The following SEPTIN10 variants were observed in gnomAD, a reference collection of about 807,000 sequenced individuals.
The protein encoded by SEPTIN10 is septin-10.
Under a neutral mutation model 54.8 loss-of-function variants are expected in SEPTIN10, and 66 were observed. The observed-to-expected ratio is 1.21, with a 90% CI of 0.99 to 1.48. SEPTIN10 has a LOEUF of 1.48. Among genes scored for constraint, SEPTIN10 ranks in the 40% most tolerant of loss-of-function variants. SEPTIN10 has a pLI of 0.00. For synonymous variants in SEPTIN10, 161 were observed against 181.0 expected (o/e 0.89, Z 0.89); for missense variants, 620 against 545.6 (o/e 1.14, Z -1.36).
At chr2:109,600,302 G>A (rs540458964) in intron 1 of SEPTIN10, among the ~76,000 whole-genome samples, 1 of 152,098 alleles carries the variant, frequency 6.6e-6, no homozygotes, top group East Asian at 1.9e-4. Context: ...ACTTTCACAG[G>A]CAATACTACC....
chr2:109,603,567 T>C (rs1697169216), intron 1 of SEPTIN10, among the ~76,000 whole-genome samples: 1 of 152,110 alleles, frequency 6.6e-6, no homozygotes, highest in Non-Finnish European at 1.5e-5. Context: ...AGCCTTACAT[T>C]TTAAGGACAG....
intron 1 of SEPTIN10, 144 bp from the exon 2 acceptor site, chr2:109,593,263 C>A: frequency 2.1e-6 from 1 of 478,304 alleles, no homozygotes; most frequent in Non-Finnish European, 3.7e-6. Context: ...ATTATTGAAT[C>A]GTGTTTGAAA....
chr2:109,560,045 C>G (rs1685287786), intron 8 of SEPTIN10, among the ~76,000 whole-genome samples: 1 of 151,876 alleles, frequency 6.6e-6, no homozygotes, highest in African/African-American at 2.4e-5. Flanking sequence ...CTCAGCCTCC[C>G]AAGTAGCCGG....
Position 109,567,953 on chromosome 2 carries a change from G to A in SEPTIN10, c.624C>T (p.Ala208=). The change falls in exon 6 of 11, where the codon GCC becomes GCT. Residue 208 remains alanine (A), a synonymous_variant. Transcript: ENST00000397712. ...DSKVNIIPVI[A]KADTVSKTEL... The stretch of plus-strand genomic sequence containing the variant: ...CAGTTTTAGAAACCGTATCTGCTTT[G>A]GCAATCACTGGTATAATGTTTACCT... The A allele has an allele frequency of 6.2e-7, 1 of 1,611,350 alleles. No individual in the cohort carries two copies. The highest frequency in any genetic ancestry group is 8.5e-7 in the Non-Finnish European group (1 of 1,179,142).
At chr2:109,561,314 C>A (rs114781410) in intron 8 of SEPTIN10, among the ~76,000 whole-genome samples, 1 of 152,038 alleles carries the variant, frequency 6.6e-6, no homozygotes, top group African/African-American at 2.4e-5. Flanking sequence ...AAAGTCTTCC[C>A]GAATTTTCCA....
intron 1 of SEPTIN10, among the ~76,000 whole-genome samples, chr2:109,593,474 C>T (rs6594041): frequency 0.32 from 47,201 of 148,898 alleles, 7,653 homozygotes; most frequent in Admixed American, 0.42. Flanking sequence ...GGCATGATCT[C>T]GGCTCACTGC....
intron 2 of SEPTIN10, among the ~76,000 whole-genome samples, chr2:109,591,869 C>G (rs1034012497): frequency 6.6e-6 from 1 of 152,006 alleles, no homozygotes; most frequent in African/African-American, 2.4e-5. Flanking sequence ...TGCACTCCAG[C>G]CTGGGCAACA....
In SEPTIN10 at chr2:109,567,410, A is replaced by G. The variant is rs1008157750; in HGVS notation, c.762+405T>C. On this transcript the variant is annotated intron_variant, in intron 6 of 10. Coordinates refer to ENST00000397712, the MANE Select transcript of SEPTIN10 (RefSeq NM_144710.5). ...CTTGACACTATGAGAGAGAAGGAGC[A>G]TAAATACTAGTTTTAAGAGACCTCC... Among the ~76,000 whole-genome samples the G allele has an allele frequency of 3.9e-5, 6 of 152,374 alleles. No individual in the cohort carries two copies. In the East Asian group the frequency reaches 7.7e-4, roughly 20 times the overall value.
At chr2:109,599,407 G>A (rs577773303) in intron 1 of SEPTIN10, among the ~76,000 whole-genome samples, 2 of 147,238 alleles carry the variant, frequency 1.4e-5, no homozygotes, top group East Asian at 2.0e-4. Flanking sequence ...GCAGTGAGCC[G>A]AGATTGTGCC....
intron 8 of SEPTIN10, among the ~76,000 whole-genome samples, chr2:109,563,097 G>T (rs1686083300): frequency 6.6e-6 from 1 of 152,076 alleles, no homozygotes; most frequent in Non-Finnish European, 1.5e-5. Context: ...TTTTAGTAAA[G>T]ACGGGGTTTC....
chr2:109,603,466 C>T (rs1388085894), intron 1 of SEPTIN10, among the ~76,000 whole-genome samples: 1 of 152,042 alleles, frequency 6.6e-6, no homozygotes, highest in African/African-American at 2.4e-5. Flanking sequence ...GTCTCAATCT[C>T]CTGACCTCGT....
At chr2:109,578,732 A>T (rs568145399) in intron 4 of SEPTIN10, among the ~76,000 whole-genome samples, 1 of 152,028 alleles carries the variant, frequency 6.6e-6, no homozygotes, top group Non-Finnish European at 1.5e-5. Flanking sequence ...GTGCCACTGC[A>T]CTCTAGCCTG....
chr2:109,562,911 C>CTT lies in SEPTIN10; in HGVS notation c.1028+1453_1028+1454dup, dbSNP rs200795314. On this transcript the variant is annotated intron_variant, in intron 8 of 10. Transcript: ENST00000397712. ...GAGGGTGGGTTAAGTACACACAATG[C>CTT]TTTTTTTTTTTTTCTTTGAGATGGA... Among the ~76,000 whole-genome samples, 857 of 145,848 alleles carry CTT rather than the reference C, an allele frequency of 5.9e-3. 22 individuals are homozygous for CTT. The highest frequency in any genetic ancestry group is 0.051 in the Admixed American group (748 of 14,678).
At chr2:109,598,901 A>T (rs9653602) in intron 1 of SEPTIN10, among the ~76,000 whole-genome samples, 53,865 of 151,800 alleles carry the variant, frequency 0.35, 11,236 homozygotes, top group Middle Eastern at 0.55. Flanking sequence ...AAAATAAAAA[A>T]AAAATTATTA....
intron 2 of SEPTIN10, among the ~76,000 whole-genome samples, chr2:109,591,258 A>C (rs1225291841): frequency 1.3e-5 from 2 of 152,332 alleles, no homozygotes; most frequent in East Asian, 3.9e-4. Flanking sequence ...TGCTTATTAC[A>C]TAAAAGTTGA....
At chr2:109,603,695 G>T (rs1392011355) in intron 1 of SEPTIN10, among the ~76,000 whole-genome samples, 1 of 152,106 alleles carries the variant, frequency 6.6e-6, no homozygotes, top group South Asian at 2.1e-4. Flanking sequence ...GACACTCAGG[G>T]TATAATGAAA....
At chr2:109,591,052 C>T (rs978985299) in intron 2 of SEPTIN10, among the ~76,000 whole-genome samples, 1 of 152,136 alleles carries the variant, frequency 6.6e-6, no homozygotes, top group Non-Finnish European at 1.5e-5. Flanking sequence ...AAATTTGTGA[C>T]GATTTGTTAT....
intron 1 of SEPTIN10, among the ~76,000 whole-genome samples, chr2:109,609,599 G>A (rs1159657177): frequency 1.6e-5 from 2 of 124,588 alleles, no homozygotes; most frequent in African/African-American, 3.2e-5. Context: ...CTGGGTGACA[G>A]AGCAAGACTC....
At chr2:109,575,842 C>T (rs768923043) in intron 4 of SEPTIN10, among the ~76,000 whole-genome samples, 2 of 152,254 alleles carry the variant, frequency 1.3e-5, no homozygotes, top group African/African-American at 4.8e-5. Flanking sequence ...AGTTGCCCGA[C>T]CTTTTAGTCC....
Sources: allele counts gnomAD v4.1 joint callset (sites outside exome capture counted in the v4.1 genomes callset), GRCh38; gene constraint gnomAD v4.1.1; transcripts MANE v1.5; gene names NCBI Gene and HGNC (gene_info 2026-07-23, HGNC 2026-07-21).